The following CADPS variants were observed in gnomAD, a reference collection of about 807,000 sequenced individuals.
CADPS encodes calcium dependent secretion activator.
In CADPS, 57 loss-of-function variants were observed where a neutral mutation model predicts 167.3. The ratio of observed to expected loss-of-function variants is 0.34; its 90% CI spans 0.28 to 0.42. CADPS has a LOEUF of 0.42. Ranked by LOEUF, CADPS falls within the 20% of genes least tolerant of loss-of-function variation. The pLI, the probability that CADPS is intolerant of heterozygous loss-of-function variation, is 1.00. For missense variants in CADPS, 1,414 were observed against 1,738.1 expected (o/e 0.81, Z 3.32); for synonymous variants, 676 against 635.3 (o/e 1.06, Z -0.96).
At chr3:62,594,122 T>C (rs1305840986) in intron 6 of CADPS, among the ~76,000 whole-genome samples, 1 of 144,602 alleles carries the variant, frequency 6.9e-6, no homozygotes, top group African/African-American at 2.5e-5. Context: ...CTCATTATGA[T>C]TTTTTTTATT....
chr3:62,684,464 G>A (rs1045629105), intron 3 of CADPS, among the ~76,000 whole-genome samples: 2 of 152,100 alleles, frequency 1.3e-5, no homozygotes, highest in East Asian at 3.9e-4. Context: ...CTTTTTATGG[G>A]AGAAGGATAT....
At chr3:62,761,555 T>C (rs904918659) in intron 2 of CADPS, among the ~76,000 whole-genome samples, 1 of 151,972 alleles carries the variant, frequency 6.6e-6, no homozygotes, top group Non-Finnish European at 1.5e-5. Context: ...AATACCCCCA[T>C]GTTCACTTCC....
At chr3:62,493,135 G>A (rs2064024353) in intron 19 of CADPS, among the ~76,000 whole-genome samples, 1 of 152,202 alleles carries the variant, frequency 6.6e-6, no homozygotes, top group Non-Finnish European at 1.5e-5. Flanking sequence ...GGACACATAT[G>A]TACATTGAAA....
chr3:62,635,164 A>G (rs1211357938), intron 6 of CADPS, among the ~76,000 whole-genome samples: 2 of 152,184 alleles, frequency 1.3e-5, no homozygotes, highest in African/African-American at 4.8e-5. Context: ...CTAGGTTCCA[A>G]GTCCCGCTAC....
rs756022873 is a variant in CADPS, at chr3:62,417,041, G to A, written c.3778-13856C>T. Among the ~76,000 whole-genome samples, 152 of 151,694 alleles carry A rather than the reference G, an allele frequency of 1.0e-3. 1 individual carries two copies. Among genetic ancestry groups the A allele is most frequent in the African/African-American group, 3.6e-3 (148 of 41,394 alleles). ...GCTGGGACTACAGGCGTGCACCACC[G>A]TGCCCAGCTAAGCATACATTTTTCT... On this transcript the variant is annotated intron_variant, in intron 28 of 29. Coordinates refer to ENST00000383710, the MANE Select transcript of CADPS (RefSeq NM_003716.4).
intron 28 of CADPS, among the ~76,000 whole-genome samples, chr3:62,426,219 C>G (rs554278472): frequency 5.3e-5 from 8 of 152,152 alleles, no homozygotes; most frequent in Non-Finnish European, 1.2e-4. Flanking sequence ...GGCACGATCT[C>G]GGCTTACTGC....
intron 16 of CADPS, among the ~76,000 whole-genome samples, chr3:62,515,220 C>T (rs531814208): frequency 6.6e-6 from 1 of 152,112 alleles, no homozygotes; most frequent in Non-Finnish European, 1.5e-5. Context: ...TGTGAGAGAA[C>T]ATCAGATTCC....
rs142596915 is a variant in CADPS at position 62,478,463 on chromosome 3, G to A, written c.3174-47C>T. On this transcript the variant is annotated intron_variant, in intron 22 of 29. Coordinates refer to ENST00000383710, the MANE Select transcript of CADPS (RefSeq NM_003716.4). This position sits in a 1 kb window ranked among gnomAD's most constrained non-coding sequence, Gnocchi z 5.7. ...AATGAGAGTCACCCACTGGCCTCAG[G>A]CTCTACAAAAACTAACACAGAGACA... is the stretch of plus-strand genomic sequence containing the variant. The A allele has an allele frequency of 6.4e-7, 1 of 1,567,060 alleles. No individual in the cohort carries two copies. Among genetic ancestry groups the A allele is most frequent in the Non-Finnish European group, 8.7e-7 (1 of 1,151,320 alleles).
intron 18 of CADPS, among the ~76,000 whole-genome samples, chr3:62,495,354 G>A (rs1370181422): frequency 6.6e-6 from 1 of 152,204 alleles, no homozygotes; most frequent in Non-Finnish European, 1.5e-5. Flanking sequence ...AAGCAAAAGT[G>A]TAATTCCAAT....
intron 3 of CADPS, among the ~76,000 whole-genome samples, chr3:62,682,649 C>G (rs1015937465): frequency 6.6e-6 from 1 of 151,986 alleles, no homozygotes; most frequent in Non-Finnish European, 1.5e-5. Flanking sequence ...GGAAAATAAC[C>G]AGTTTCTAAA....
At chr3:62,566,629 T>A (rs887671751) in intron 9 of CADPS, among the ~76,000 whole-genome samples, 5 of 152,176 alleles carry the variant, frequency 3.3e-5, no homozygotes, top group African/African-American at 1.2e-4. Context: ...ATGCAGTATT[T>A]TCTGGGTATG....
chr3:62,616,568 C>T (rs1188207812), intron 6 of CADPS, among the ~76,000 whole-genome samples: 3 of 152,080 alleles, frequency 2.0e-5, no homozygotes, highest in South Asian at 4.2e-4. Flanking sequence ...GGGACCCCGG[C>T]TGGGTCAATG....
intron 3 of CADPS, among the ~76,000 whole-genome samples, chr3:62,712,783 G>T (rs1376671753): frequency 5.3e-5 from 8 of 152,196 alleles, no homozygotes; most frequent in Non-Finnish European, 1.0e-4. Flanking sequence ...GAGATGTTTG[G>T]CACTAAAATC....
chr3:62,474,139 A>G lies in CADPS; in HGVS notation c.3477+34T>C, dbSNP rs1167602159. 1.2e-5 allele frequency: 11 copies of G among 951,344 alleles called. No homozygotes were observed. The East Asian group carries it at 1.3e-4, about 11-fold the overall frequency. 58.9% of individuals were successfully genotyped at this position (951,344 alleles called of 1,614,324 possible). On this transcript the variant is annotated intron_variant, in intron 24 of 29. Transcript: ENST00000383710. ...TCTTCTACATGATCAATGAAGAGGG[A>G]AAAAAAAATCTGTATTTTTTTTTTT... is the stretch of plus-strand genomic sequence containing the variant.
intron 6 of CADPS, among the ~76,000 whole-genome samples, chr3:62,600,314 C>A (rs1338371103): frequency 6.6e-6 from 1 of 151,958 alleles, no homozygotes; most frequent in Admixed American, 6.6e-5. Context: ...TGGCTGCCAA[C>A]GGTATAGTGA....
intron 1 of CADPS, among the ~76,000 whole-genome samples, chr3:62,781,834 T>C (rs917511377): frequency 2.6e-5 from 4 of 152,116 alleles, no homozygotes; most frequent in African/African-American, 9.7e-5. Flanking sequence ...GTCTCTTTGA[T>C]TATGAAAAAA....
At chr3:62,678,363 G>C (rs766547465) in intron 3 of CADPS, among the ~76,000 whole-genome samples, 1 of 152,070 alleles carries the variant, frequency 6.6e-6, no homozygotes, top group Non-Finnish European at 1.5e-5. Context: ...TCTTTTTCCA[G>C]TAAGGCAAAA....
intron 1 of CADPS, among the ~76,000 whole-genome samples, chr3:62,818,063 C>T (rs975112956): frequency 7.9e-5 from 12 of 152,018 alleles, no homozygotes; most frequent in Admixed American, 2.0e-4. Context: ...TAAAATTCAG[C>T]GCCAAGTCCA....
At chr3:62,842,158 T>A (rs1432276354) in intron 1 of CADPS, among the ~76,000 whole-genome samples, 1 of 152,212 alleles carries the variant, frequency 6.6e-6, no homozygotes, top group Admixed American at 6.5e-5. Flanking sequence ...AGAGTGCTCA[T>A]GTATCCATTT....
Sources: allele counts gnomAD v4.1 joint callset (sites outside exome capture counted in the v4.1 genomes callset), GRCh38; gene constraint gnomAD v4.1.1; non-coding constraint Gnocchi (gnomAD v3.1); transcripts MANE v1.5; gene names NCBI Gene and HGNC (gene_info 2026-07-23, HGNC 2026-07-21).